Variants in MED14 observed in about 807,000 individuals in gnomAD.
The protein encoded by MED14 is mediator complex subunit 14, also known as mediator of RNA polymerase II transcription subunit 14.
MED14 carries 8 observed loss-of-function variants against 109.0 expected under a neutral mutation model. The observed-to-expected ratio is 0.07, with a 90% confidence interval of 0.04 to 0.13. MED14 has a LOEUF of 0.13. Ranked by LOEUF, MED14 falls within the 10% of genes least tolerant of loss-of-function variation. MED14 has a pLI of 1.00. For synonymous variants in MED14, 399 were observed against 408.7 expected, an observed-to-expected ratio of 0.98 and a Z score of 0.29; for missense variants, 711 against 1,142.4, an observed-to-expected ratio of 0.62 and a Z score of 5.44.
At chrX:40,673,870 T>C (rs1197492474) in intron 22 of MED14, among the ~76,000 whole-genome samples, 3 of 107,731 alleles carry the variant, frequency 2.8e-5, no homozygotes, top group African/African-American at 1.0e-4. Flanking sequence ...AAAATCATTA[T>C]AGAGGGGCCA....
In MED14 at chrX:40,692,231, G is replaced by A. The variant is rs1276882077; in HGVS notation, c.1932C>T (p.Phe644=). The change falls in exon 15 of 31, where the codon TTC becomes TTT. Residue 644 remains phenylalanine (F), a synonymous_variant. Transcript: ENST00000324817. ...GCATATTTGTATCACACATAGCGACGAAGTGGGCTAAAACTTTATTGAAGG... is the reference window on the plus strand; with the variant it reads ...GCATATTTGTATCACACATAGCGACAAAGTGGGCTAAAACTTTATTGAAGG... ...MCAFNKVLAH[F]VAMCDTNMPF... 21 of 1,206,770 alleles carry A rather than the reference G, an allele frequency of 1.7e-5. No individual in the cohort carries two copies. The highest frequency in any genetic ancestry group is 8.9e-5 in the East Asian group (3 of 33,738).
chrX:40,669,985 C>T (rs1283233154), intron 23 of MED14, among the ~76,000 whole-genome samples: 1 of 112,176 alleles, frequency 8.9e-6, no homozygotes, highest in Non-Finnish European at 1.9e-5. Context: ...CAGATGAAGA[C>T]TGTTTATCTA....
intron 26 of MED14, 66 bp from the exon 27 acceptor site, chrX:40,659,673 T>C: frequency 9.3e-7 from 1 of 1,074,930 alleles, no homozygotes; most frequent in Admixed American, 2.8e-5. Flanking sequence ...TTACTGAGAA[T>C]TGTTCCAAAA....
At chrX:40,709,879 G>A (rs1226830829) in intron 9 of MED14, 100 bp downstream of exon 9, 3 of 518,988 alleles carry the variant, frequency 5.8e-6, no homozygotes, top group South Asian at 4.1e-5. Context: ...AAGGTTTTAG[G>A]AAGAATTAGA....
Position 40,682,742 on chromosome X carries a change from G to A in MED14, c.2226C>T (p.Ser742=). 8.3e-7 allele frequency: 1 copy of A among 1,207,464 alleles called. No homozygotes were observed. The highest frequency in any genetic ancestry group is 2.2e-5 in the Admixed American group (1 of 45,733). ...NGTSTREQGP[S]RHVYLTYENL... ...TTTCATATGTCAGGTAAACGTGCCG[G>A]GATGGTCCTACAGGATTAAAAGAGA... Residue 742 remains serine, a synonymous_variant, in exon 18 of 31, where the codon TCC becomes TCT. Coordinates refer to ENST00000324817, the MANE Select transcript of MED14 (RefSeq NM_004229.4).
At chrX:40,683,017 A>G in intron 16 of MED14, 21 bp from the exon 17 acceptor site, 1 of 1,173,069 alleles carries the variant, frequency 8.5e-7, no homozygotes, top group African/African-American at 1.8e-5. Context: ...AAGACAGCAT[A>G]TGAAGTATAC....
chrX:40,725,665 T>C (rs185813538), intron 3 of MED14, among the ~76,000 whole-genome samples: 1 of 111,797 alleles, frequency 8.9e-6, no homozygotes, highest in Non-Finnish European at 1.9e-5. Flanking sequence ...AAACTGGGTA[T>C]AGAAGGAACA....
At chrX:40,668,439 T>C (rs1175515252) in intron 23 of MED14, among the ~76,000 whole-genome samples, 5 of 106,500 alleles carry the variant, frequency 4.7e-5, no homozygotes, top group African/African-American at 1.7e-4. Flanking sequence ...ACTAGACTTA[T>C]GGAGAGACTG....
intron 1 of MED14, among the ~76,000 whole-genome samples, chrX:40,732,723 G>A (rs1442649913): frequency 9.2e-6 from 1 of 108,234 alleles, no homozygotes; most frequent in Non-Finnish European, 1.9e-5. Context: ...AGGCTGCAGT[G>A]AGCATGACTG....
At chrX:40,666,955 T>C in intron 23 of MED14, 104 bp from the exon 24 acceptor site, 2 of 692,466 alleles carry the variant, frequency 2.9e-6, no homozygotes, top group South Asian at 3.1e-5. Flanking sequence ...AAACAAGTAG[T>C]ATAGCTCCCA....
At chrX:40,695,642 C>T (rs569819073) in intron 13 of MED14, among the ~76,000 whole-genome samples, 5 of 112,451 alleles carry the variant, frequency 4.4e-5, no homozygotes, top group African/African-American at 1.6e-4. Context: ...ATGGGTTTCG[C>T]TATGATGCAT....
At chrX:40,704,928 T>C (rs185639049) in intron 10 of MED14, among the ~76,000 whole-genome samples, 1 of 111,223 alleles carries the variant, frequency 9.0e-6, no homozygotes, top group East Asian at 2.8e-4. Context: ...AACCAGTAAG[T>C]ACAAATGCAA....
At chrX:40,691,498 G>A (rs1374597939) in intron 15 of MED14, among the ~76,000 whole-genome samples, 2 of 111,195 alleles carry the variant, frequency 1.8e-5, no homozygotes, top group East Asian at 5.6e-4. Flanking sequence ...TGTTGCCCAG[G>A]CTGGTCTTGA....
At position 40,726,964 on chromosome X, in the gene MED14, C is replaced by T. The variant is rs1461923402; in HGVS notation, c.243-113G>A. ...ATAAATCAGCCTTTGCTTACAACCACTACAAAATGAGCCACCTAAAATATT... is the reference window on the plus strand; with the variant it reads ...ATAAATCAGCCTTTGCTTACAACCATTACAAAATGAGCCACCTAAAATATT... On this transcript the variant is annotated intron_variant, in intron 2 of 30. Coordinates refer to ENST00000324817, the MANE Select transcript of MED14 (RefSeq NM_004229.4). The T allele has an allele frequency of 5.0e-6, 3 of 602,944 alleles. No homozygotes were observed. In the Admixed American group the frequency reaches 1.3e-4, roughly 25 times the overall value. 49.7% of individuals were successfully genotyped at this position (602,944 alleles called of 1,213,427 possible). A position where few individuals can be genotyped will look rare whatever the true frequency, so the allele number is the denominator to read the frequency against.
Position 40,714,588 on chromosome X carries a change from G to A in MED14, c.471C>T (p.Ala157=). The change falls in exon 4 of 31, where the codon GCC becomes GCT. Residue 157 remains alanine (A), a synonymous_variant. Transcript: ENST00000324817. The part of the protein sequence containing the change: ...ARLPSFAIPY[A]IDVLTTGSYP... ...AAGATCCAGTAGTTAGTACATCAAT[G>A]GCATATGGGATGGCAAAACTAGGCA... 1 of 1,211,724 alleles carries A rather than the reference G, an allele frequency of 8.3e-7. No individual in the cohort carries two copies.
At chrX:40,678,710 G>A (rs1281473425) in intron 21 of MED14, among the ~76,000 whole-genome samples, 1 of 110,223 alleles carries the variant, frequency 9.1e-6, no homozygotes, top group Non-Finnish European at 1.9e-5. Context: ...GGACGCTGAG[G>A]TGGGAGGATG....
chrX:40,716,045 G>A (rs1931510950), intron 3 of MED14, among the ~76,000 whole-genome samples: 1 of 110,437 alleles, frequency 9.1e-6, no homozygotes, highest in East Asian at 2.8e-4. Context: ...TACCTGAATA[G>A]ACATTTCTCA....
intron 28 of MED14, among the ~76,000 whole-genome samples, chrX:40,657,898 T>A (rs778630970): frequency 2.7e-5 from 3 of 109,971 alleles, no homozygotes; most frequent in Non-Finnish European, 5.7e-5. Flanking sequence ...TTCAAGCAGT[T>A]CTCCTGCCTC....
chrX:40,710,192 TAG>T (rs1931288078), intron 8 of MED14, 63 bp from the exon 9 acceptor site: 1 of 796,471 alleles, frequency 1.3e-6, no homozygotes, highest in Admixed American at 4.2e-5. Flanking sequence ...TAGAATAAAA[TAG>T]AGACAATCCA....
Sources: gnomAD v4.1 joint callset for allele counts (sites outside exome capture counted in the v4.1 genomes callset) on GRCh38, gnomAD v4.1.1 for gene constraint, MANE v1.5 for transcripts, NCBI Gene and HGNC (gene_info 2026-07-23, HGNC 2026-07-21) for gene names.